The following RMDN2 variants were observed in gnomAD, a reference collection of about 807,000 sequenced individuals.
The protein encoded by RMDN2 is regulator of microtubule dynamics 2.
Under a neutral mutation model 52.8 loss-of-function variants are expected in RMDN2, and 61 were observed. The observed-to-expected ratio is 1.16, with a 90% CI of 0.94 to 1.43. RMDN2 has a LOEUF of 1.43. RMDN2 is among the 40% of genes most tolerant of loss of function. The pLI, the probability that RMDN2 is intolerant of heterozygous loss-of-function variation, is 0.00. For missense variants in RMDN2, 592 were observed against 475.3 expected (o/e 1.25, Z -2.28); for synonymous variants, 180 against 153.1 (o/e 1.18, Z -1.30).
chr2:38,039,626 C>T (rs1680828452), intron 10 of RMDN2, among the ~76,000 whole-genome samples: 1 of 152,182 alleles, frequency 6.6e-6, no homozygotes, highest in African/African-American at 2.4e-5. Flanking sequence ...AGGTTTGAAA[C>T]AGAAGAAGGA....
intron 2 of RMDN2, chr2:37,951,240 A>G: frequency 6.3e-7 from 1 of 1,582,200 alleles, no homozygotes. Flanking sequence ...TAGCTGCTGC[A>G]AAGAGGACCA....
At chr2:38,002,535 G>A (rs115283293) in intron 8 of RMDN2, among the ~76,000 whole-genome samples, 1,971 of 152,252 alleles carry the variant, frequency 0.013, 49 homozygotes, top group African/African-American at 0.044. Flanking sequence ...TCAGTTTTAT[G>A]TATTTGTGTT....
intron 4 of RMDN2, among the ~76,000 whole-genome samples, chr2:37,978,206 G>C (rs1353124800): frequency 6.6e-6 from 1 of 151,982 alleles, no homozygotes; most frequent in African/African-American, 2.4e-5. Context: ...TGCAATCGCA[G>C]GTACTTGGCA....
chr2:37,999,104 A>G (rs1416440366), intron 8 of RMDN2, among the ~76,000 whole-genome samples: 1 of 152,222 alleles, frequency 6.6e-6, no homozygotes, highest in Non-Finnish European at 1.5e-5. Context: ...AGAACACTGT[A>G]GAAAAGTTCT....
At chr2:38,007,385 C>G (rs1025891641) in intron 10 of RMDN2, among the ~76,000 whole-genome samples, 2 of 152,126 alleles carry the variant, frequency 1.3e-5, no homozygotes, top group African/African-American at 4.8e-5. Flanking sequence ...ATTTCAGAGC[C>G]TGTTATTGGT....
rs1271429084 is a variant in RMDN2 at position 37,925,389 on chromosome 2, C to T, written c.-53C>T. ...GCGCGCCAGCAGGTCCTGGTCTCCG[C>T]TCTCCAACAGCTGAAAGGCCGGCGC... On this transcript the variant is annotated 5_prime_UTR_variant, in exon 1 of 11. Coordinates refer to ENST00000354545, the MANE Select transcript of RMDN2 (RefSeq NM_001170791.3). 6.6e-6 allele frequency: 1 copy of T among 152,424 alleles called. No homozygotes were observed. Among genetic ancestry groups the T allele is most frequent in the Non-Finnish European group, 1.5e-5 (1 of 68,204 alleles). The allele number at this position is 152,424 out of a possible 1,614,324, so 9.4% of individuals were successfully genotyped here.
chr2:37,972,185 A>G (rs770388248), intron 2 of RMDN2, among the ~76,000 whole-genome samples: 14 of 152,154 alleles, frequency 9.2e-5, no homozygotes, highest in Non-Finnish European at 1.6e-4. Context: ...TGACTTTCAT[A>G]TGTTAATATT....
intron 10 of RMDN2, among the ~76,000 whole-genome samples, chr2:38,014,208 G>A (rs1419354087): frequency 2.0e-5 from 3 of 151,464 alleles, no homozygotes; most frequent in Non-Finnish European, 4.4e-5. Context: ...GTGAAACTCC[G>A]TCGCAAAAAA....
chr2:38,042,066 A>G (rs1680988092), intron 10 of RMDN2, among the ~76,000 whole-genome samples: 1 of 152,160 alleles, frequency 6.6e-6, no homozygotes, highest in South Asian at 2.1e-4. Context: ...CAGAGAAACC[A>G]TCTGAGTCTG....
At chr2:37,952,167 G>T in intron 2 of RMDN2, 1 of 1,613,190 alleles carries the variant, frequency 6.2e-7, no homozygotes, top group Non-Finnish European at 8.5e-7. Context: ...TCAAGATGAA[G>T]ACAGATCTTC....
chr2:38,017,774 AC>A, downstream of RMDN2: 1 of 283,658 alleles, frequency 3.5e-6, no homozygotes, highest in Non-Finnish European at 7.1e-6. Flanking sequence ...ATGTGAAGAG[AC>A]CACCAAACAG....
intron 10 of RMDN2, among the ~76,000 whole-genome samples, chr2:38,046,520 TAAA>T (rs1288861721): frequency 6.6e-6 from 1 of 151,726 alleles, no homozygotes; most frequent in Non-Finnish European, 1.5e-5. Flanking sequence ...TCAAAGAATT[TAAA>T]AAAAGATAAA....
At chr2:37,973,564 G>T (rs563967855) in intron 2 of RMDN2, among the ~76,000 whole-genome samples, 13 of 152,046 alleles carry the variant, frequency 8.6e-5, no homozygotes, top group Non-Finnish European at 1.9e-4. Flanking sequence ...CATGCTATGG[G>T]AAAAGAAAAA....
intron 2 of RMDN2, among the ~76,000 whole-genome samples, chr2:37,936,251 G>A (rs1667277960): frequency 6.6e-6 from 1 of 152,294 alleles, no homozygotes; most frequent in African/African-American, 2.4e-5. Flanking sequence ...GGGATGCATG[G>A]TATTCCATAG....
chr2:38,026,709 C>T (rs990918623), intron 10 of RMDN2, among the ~76,000 whole-genome samples: 27 of 152,198 alleles, frequency 1.8e-4, no homozygotes, highest in Admixed American at 5.2e-4. Context: ...CTCATCAACC[C>T]ATCATCTACA....
At chr2:37,939,107 G>C (rs144955912) in intron 2 of RMDN2, among the ~76,000 whole-genome samples, 1 of 151,988 alleles carries the variant, frequency 6.6e-6, no homozygotes, top group East Asian at 1.9e-4. Flanking sequence ...TTTTGTTCTC[G>C]TCGGTTTCAA....
chr2:38,047,760 A>G (rs1573230439), intron 10 of RMDN2, among the ~76,000 whole-genome samples: 1 of 152,360 alleles, frequency 6.6e-6, no homozygotes, highest in East Asian at 1.9e-4. Context: ...ATGACGGTTA[A>G]CTGTCTGCAT....
At chr2:37,986,655 T>C (rs1449807041) in intron 5 of RMDN2, among the ~76,000 whole-genome samples, 1 of 151,986 alleles carries the variant, frequency 6.6e-6, no homozygotes, top group Non-Finnish European at 1.5e-5. Flanking sequence ...ATCCACCACA[T>C]TAACACACCA....
At chr2:38,050,742 A>G (rs369387473) in intron 10 of RMDN2, among the ~76,000 whole-genome samples, 1 of 152,112 alleles carries the variant, frequency 6.6e-6, no homozygotes, top group African/African-American at 2.4e-5. Flanking sequence ...TTTTTTGTTC[A>G]TTTGTTTTAG....
Sources: gnomAD v4.1 joint callset for allele counts (sites outside exome capture counted in the v4.1 genomes callset) on GRCh38, gnomAD v4.1.1 for gene constraint, MANE v1.5 for transcripts, NCBI Gene and HGNC (gene_info 2026-07-23, HGNC 2026-07-21) for gene names.